ATP11B: variants seen among roughly 807,000 people sequenced by gnomAD.
ATP11B encodes phospholipid-transporting ATPase IF.
In ATP11B, 81 loss-of-function variants were observed where a neutral mutation model predicts 157.8. That is an observed-to-expected ratio of 0.51 (90% CI 0.43 to 0.62). The LOEUF (loss-of-function observed/expected upper bound fraction) is 0.62, where lower values mean the gene tolerates loss of function less well. Among genes scored for constraint, ATP11B ranks in the 20% least tolerant of loss-of-function variants. The pLI is 0.00. For synonymous variants in ATP11B, 451 were observed against 469.4 expected, an observed-to-expected ratio of 0.96 and a Z score of 0.51; for missense variants, 1,165 against 1,402.2, an observed-to-expected ratio of 0.83 and a Z score of 2.70.
intron 28 of ATP11B, 68 bp from the exon 29 acceptor site, chr3:182,913,792 TA>T: frequency 6.2e-7 from 1 of 1,609,160 alleles, no homozygotes; most frequent in Admixed American, 1.7e-5. Context: ...GTGCTTGTTG[TA>T]ATGTTCTAAT....
chr3:182,895,146 C>T (rs1723456560), intron 25 of ATP11B, among the ~76,000 whole-genome samples: 1 of 144,776 alleles, frequency 6.9e-6, no homozygotes, highest in African/African-American at 2.6e-5. Flanking sequence ...AGGAAAGTAT[C>T]TGTGTCCATA....
At chr3:182,858,059 A>G (rs750984945) in intron 11 of ATP11B, 31 bp downstream of exon 11, 2 of 1,581,930 alleles carry the variant, frequency 1.3e-6, no homozygotes, top group Non-Finnish European at 1.7e-6. Context: ...CTGTGTCATA[A>G]AGGAAACTAT....
intron 3 of ATP11B, among the ~76,000 whole-genome samples, chr3:182,828,737 G>C (rs1375149228): frequency 2.7e-5 from 4 of 149,778 alleles, no homozygotes; most frequent in Non-Finnish European, 4.4e-5. Flanking sequence ...GTTTATTATA[G>C]GCTGTTAGAC....
At chr3:182,913,672 G>T (rs1016004144) in intron 28 of ATP11B, among the ~76,000 whole-genome samples, 189 bp from the exon 29 acceptor site, 2 of 152,074 alleles carry the variant, frequency 1.3e-5, no homozygotes, top group Non-Finnish European at 2.9e-5. Flanking sequence ...TAGGATACAA[G>T]GCTTTAAAAT....
At chr3:182,883,367 C>T (rs1722562563) in intron 21 of ATP11B, among the ~76,000 whole-genome samples, 1 of 151,816 alleles carries the variant, frequency 6.6e-6, no homozygotes, top group South Asian at 2.1e-4. Context: ...AAGCGATTCT[C>T]CTACCTCAGC....
In ATP11B at chr3:182,920,849, T is replaced by G. The variant is rs150202528; in HGVS notation, c.*2745T>G. 6.3e-3 allele frequency: 959 copies of G among 152,378 alleles called. 4 individuals are homozygous for G. The highest frequency in any genetic ancestry group is 0.01 in the Middle Eastern group (3 of 294). The allele number at this position is 152,378 out of a possible 1,614,324, so 9.4% of individuals were successfully genotyped here. A position where few individuals can be genotyped will look rare whatever the true frequency, so the allele number is the denominator to read the frequency against. On this transcript the variant is annotated 3_prime_UTR_variant, in exon 30 of 30. Coordinates refer to ENST00000323116, the MANE Select transcript of ATP11B (RefSeq NM_014616.3). ...TATGGTCTGAATTTTCTAACTGTCC[T>G]CTTTCTTGGGTCTAAAGCTCATAAT...
At position 182,874,314 on chromosome 3, in the gene ATP11B, A is replaced by T. The variant is rs185456816; in HGVS notation, c.2252+299A>T. 1.1e-4 allele frequency among the ~76,000 whole-genome samples: 17 copies of T among 152,326 alleles called. No homozygotes were observed. The East Asian group carries it at 3.3e-3, about 29-fold the overall frequency. ...CATCAGAATTGAGTAGTTGCAGCAG[A>T]GACTTTACAAAATACTCTCTCTTCA... On this transcript the variant is annotated intron_variant, in intron 19 of 29. Coordinates refer to ENST00000323116, the MANE Select transcript of ATP11B (RefSeq NM_014616.3).
chr3:182,800,390 T>TA (rs71183647), intron 1 of ATP11B, among the ~76,000 whole-genome samples: 27 of 146,896 alleles, frequency 1.8e-4, no homozygotes, highest in East Asian at 1.2e-3. Context: ...CCCAGCTAAT[T>TA]AAAAAAAAAA....
intron 4 of ATP11B, among the ~76,000 whole-genome samples, chr3:182,831,535 C>T (rs554613793): frequency 9.9e-5 from 15 of 151,696 alleles, no homozygotes; most frequent in African/African-American, 2.4e-4. Flanking sequence ...GACATAAAGA[C>T]GTACAGAGTC....
chr3:182,821,112 G>A (rs756568341), intron 2 of ATP11B, among the ~76,000 whole-genome samples: 129 of 152,020 alleles, frequency 8.5e-4, no homozygotes, highest in Non-Finnish European at 1.5e-3. Context: ...GGTTTTTTTT[G>A]TTTGCTTGTT....
chr3:182,810,770 C>CA (rs1716615239), intron 1 of ATP11B, among the ~76,000 whole-genome samples: 1 of 152,152 alleles, frequency 6.6e-6, no homozygotes, highest in African/African-American at 2.4e-5. Context: ...CTGTACTGCT[C>CA]ATGTGAGATA....
chr3:182,894,712 C>T (rs1396101756), intron 25 of ATP11B, among the ~76,000 whole-genome samples: 1 of 152,120 alleles, frequency 6.6e-6, no homozygotes, highest in Non-Finnish European at 1.5e-5. Context: ...GCCCTAAATC[C>T]TCCTCTAAGG....
At chr3:182,907,788 C>T (rs1239583201) in intron 28 of ATP11B, among the ~76,000 whole-genome samples, 1 of 152,158 alleles carries the variant, frequency 6.6e-6, no homozygotes, top group Non-Finnish European at 1.5e-5. Flanking sequence ...AAAAGGTCCC[C>T]ACACATTTAA....
chr3:182,849,228 A>G (rs186060890), intron 10 of ATP11B, among the ~76,000 whole-genome samples: 114 of 152,306 alleles, frequency 7.5e-4, no homozygotes, highest in African/African-American at 2.6e-3. Context: ...AGACAAAAGA[A>G]CTCAACAGAA....
chr3:182,815,172 T>G (rs978438711), intron 1 of ATP11B, among the ~76,000 whole-genome samples: 1 of 152,212 alleles, frequency 6.6e-6, no homozygotes, highest in Admixed American at 6.5e-5. Flanking sequence ...CCAGGGTTCT[T>G]GGAAGACCGG....
At chr3:182,916,506 G>C in intron 29 of ATP11B, 4 of 985,244 alleles carry the variant, frequency 4.1e-6, no homozygotes, top group Non-Finnish European at 4.8e-6. Flanking sequence ...GTTTCAAAGA[G>C]AGCATCATGG....
intron 1 of ATP11B, among the ~76,000 whole-genome samples, chr3:182,818,916 TAA>T (rs759403280): frequency 2.1e-4 from 26 of 124,034 alleles, no homozygotes; most frequent in Admixed American, 2.6e-4. Context: ...GACCACTATG[TAA>T]AAAAAAAAAA....
chr3:182,857,563 T>A (rs1191541589), intron 10 of ATP11B, among the ~76,000 whole-genome samples: 3 of 144,188 alleles, frequency 2.1e-5, no homozygotes, highest in African/African-American at 2.7e-5. Flanking sequence ...GCTGAAAATG[T>A]AAAAAAAAAA....
At chr3:182,803,255 A>T (rs1560053299) in intron 1 of ATP11B, among the ~76,000 whole-genome samples, 4 of 152,180 alleles carry the variant, frequency 2.6e-5, no homozygotes, top group Admixed American at 2.0e-4. Context: ...TACCAGTCTG[A>T]TGGGTGTGAA....
Sources: gnomAD v4.1 joint callset for allele counts (sites outside exome capture counted in the v4.1 genomes callset) on GRCh38, gnomAD v4.1.1 for gene constraint, MANE v1.5 for transcripts, NCBI Gene and HGNC (gene_info 2026-07-23, HGNC 2026-07-21) for gene names.